TMEM244: variants seen among roughly 807,000 people sequenced by gnomAD.
The protein encoded by TMEM244 is transmembrane protein 244, also known as putative transmembrane protein 244.
In TMEM244, 13 loss-of-function variants were observed where a neutral mutation model predicts 15.8. The observed-to-expected ratio is 0.82, with a 90% confidence interval of 0.53 to 1.30. The LOEUF is 1.30. Ranked by LOEUF, TMEM244 falls within the 50% of genes most tolerant of loss-of-function variation. The pLI, the probability that TMEM244 is intolerant of heterozygous loss-of-function variation, is 0.00. For synonymous variants in TMEM244, 45 were observed against 48.7 expected, an observed-to-expected ratio of 0.92 and a Z score of 0.32; for missense variants, 161 against 144.9, an observed-to-expected ratio of 1.11 and a Z score of -0.57.
chr6:129,842,454 GC>G (rs1420503534), intron 3 of TMEM244, among the ~76,000 whole-genome samples: 1 of 152,032 alleles, frequency 6.6e-6, no homozygotes, highest in Non-Finnish European at 1.5e-5. Flanking sequence ...CTGTACTAAA[GC>G]TTTTTATTTG....
intron 3 of TMEM244, among the ~76,000 whole-genome samples, chr6:129,835,711 C>T (rs543997691): frequency 1.3e-5 from 2 of 152,184 alleles, no homozygotes; most frequent in Non-Finnish European, 2.9e-5. Context: ...AAATACTGCA[C>T]TATTCCCATA....
intron 3 of TMEM244, among the ~76,000 whole-genome samples, chr6:129,842,579 C>T (rs1480338569): frequency 7.8e-6 from 1 of 128,040 alleles, no homozygotes; most frequent in East Asian, 2.1e-4. Context: ...AAAATATTCT[C>T]CAGTGGTTTT....
chr6:129,849,022 CA>C (rs1776600496), intron 1 of TMEM244, among the ~76,000 whole-genome samples: 1 of 151,698 alleles, frequency 6.6e-6, no homozygotes, highest in African/African-American at 2.4e-5. Context: ...TTGTATAATC[CA>C]AACATGAGGA....
At chr6:129,859,397 A>G (rs1324872172) in intron 1 of TMEM244, among the ~76,000 whole-genome samples, 1 of 152,214 alleles carries the variant, frequency 6.6e-6, no homozygotes, top group Admixed American at 6.5e-5. Context: ...TCTCACTTGT[A>G]GAATCACAGC....
At chr6:129,858,817 A>G (rs1281580893) in intron 1 of TMEM244, among the ~76,000 whole-genome samples, 2 of 151,064 alleles carry the variant, frequency 1.3e-5, no homozygotes, top group Non-Finnish European at 2.9e-5. Flanking sequence ...TTTTTGAAAC[A>G]GAGTCTTGCT....
At chr6:129,851,580 A>G (rs1584190522) in intron 1 of TMEM244, among the ~76,000 whole-genome samples, 1 of 152,100 alleles carries the variant, frequency 6.6e-6, no homozygotes, top group Non-Finnish European at 1.5e-5. Flanking sequence ...TGAATAATCA[A>G]TTTTAGTTCA....
chr6:129,838,385 A>G (rs1158966263), intron 3 of TMEM244, among the ~76,000 whole-genome samples: 2 of 152,228 alleles, frequency 1.3e-5, no homozygotes, highest in African/African-American at 4.8e-5. Flanking sequence ...CTTTGAAACC[A>G]ATGAGAACAA....
chr6:129,850,089 A>G (rs1325161193), intron 1 of TMEM244, among the ~76,000 whole-genome samples: 1 of 152,198 alleles, frequency 6.6e-6, no homozygotes, highest in Non-Finnish European at 1.5e-5. Context: ...ACATTTAACA[A>G]TAAATTGTGG....
At chr6:129,835,241 G>GA (rs1224219017) in intron 3 of TMEM244, among the ~76,000 whole-genome samples, 1 of 151,820 alleles carries the variant, frequency 6.6e-6, no homozygotes, top group African/African-American at 2.4e-5. Flanking sequence ...AAAAGAAATT[G>GA]AAAAAAACTT....
intron 1 of TMEM244, among the ~76,000 whole-genome samples, chr6:129,853,659 A>C (rs1776665307): frequency 6.6e-6 from 1 of 152,200 alleles, no homozygotes; most frequent in Non-Finnish European, 1.5e-5. Context: ...CCTAAAAAAT[A>C]AAGCAGTTTT....
At chr6:129,847,023 T>A (rs9385523) in intron 1 of TMEM244, among the ~76,000 whole-genome samples, 101,241 of 152,058 alleles carry the variant, frequency 0.67, 34,814 homozygotes, top group Non-Finnish European at 0.77. Flanking sequence ...TTAAATGCCA[T>A]GGAATAGGTT....
At chr6:129,853,716 G>T (rs1277359638) in intron 1 of TMEM244, among the ~76,000 whole-genome samples, 1 of 152,268 alleles carries the variant, frequency 6.6e-6, no homozygotes, top group Non-Finnish European at 1.5e-5. Context: ...AAAAAGGATA[G>T]AGGAAAGTGC....
intron 1 of TMEM244, among the ~76,000 whole-genome samples, chr6:129,852,873 GC>G (rs1189341497): frequency 6.6e-6 from 1 of 151,982 alleles, no homozygotes; most frequent in African/African-American, 2.4e-5. Context: ...CTCTCCCCCA[GC>G]CACCTCCTCA....
chr6:129,845,805 C>T lies in TMEM244; in HGVS notation c.81G>A (p.Val27=), dbSNP rs1353202378. 6.2e-7 allele frequency: 1 copy of T among 1,613,264 alleles called. No homozygotes were observed. Among genetic ancestry groups the T allele is most frequent in the East Asian group, 2.2e-5 (1 of 44,832 alleles). The change falls in exon 2 of 5, where the codon GTG becomes GTA. Residue 27 remains valine (V), a synonymous_variant. Transcript: ENST00000368143. Reference sequence around the variant, plus strand: ...AGCCCATGCTCAGGGACACATAGTACACAGTGTAGAAAAGAATGACACATA... The same window carrying T: ...AGCCCATGCTCAGGGACACATAGTATACAGTGTAGAAAAGAATGACACATA... ...FLLCVILFYT[V]YYVSLSMGCV...
chr6:129,856,652 T>A (rs1251291964), intron 1 of TMEM244, among the ~76,000 whole-genome samples: 2 of 152,140 alleles, frequency 1.3e-5, no homozygotes, highest in African/African-American at 2.4e-5. Flanking sequence ...AATTTATTCC[T>A]CAATAAAGCT....
chr6:129,840,079 C>T (rs1461764354), intron 3 of TMEM244, among the ~76,000 whole-genome samples: 11 of 152,152 alleles, frequency 7.2e-5, no homozygotes, highest in Admixed American at 1.3e-4. Flanking sequence ...GAAAAAACTA[C>T]TCTAAAGTTC....
At chr6:129,837,336 TGAAGGAGA>T (rs1303066674) in intron 3 of TMEM244, among the ~76,000 whole-genome samples, 37 of 152,074 alleles carry the variant, frequency 2.4e-4, no homozygotes, top group African/African-American at 8.9e-4. Flanking sequence ...GCTTCATAAG[TGAAGGAGA>T]ATTAAAATCC....
intron 1 of TMEM244, among the ~76,000 whole-genome samples, chr6:129,859,366 A>C (rs1490665373): frequency 6.6e-6 from 1 of 152,228 alleles, no homozygotes; most frequent in Non-Finnish European, 1.5e-5. Flanking sequence ...CAATTCCTGG[A>C]GAAATCATGA....
At chr6:129,840,712 A>C (rs568119064) in intron 3 of TMEM244, among the ~76,000 whole-genome samples, 1 of 152,226 alleles carries the variant, frequency 6.6e-6, no homozygotes, top group Non-Finnish European at 1.5e-5. Flanking sequence ...ATCTACAAAG[A>C]ACTTAAACAA....
Sources: allele counts gnomAD v4.1 joint callset (sites outside exome capture counted in the v4.1 genomes callset), GRCh38; gene constraint gnomAD v4.1.1; transcripts MANE v1.5; gene names NCBI Gene and HGNC (gene_info 2026-07-23, HGNC 2026-07-21).